Variants in CSMD3 observed in about 807,000 individuals in gnomAD.
CSMD3 encodes the protein CUB and sushi domain-containing protein 3.
CSMD3 carries 177 observed loss-of-function variants against 435.2 expected under a neutral mutation model. The ratio of observed to expected loss-of-function variants is 0.41; its 90% confidence interval spans 0.36 to 0.46. The LOEUF (loss-of-function observed/expected upper bound fraction) is 0.46, where lower values mean the gene tolerates loss of function less well. Among genes scored for constraint, CSMD3 ranks in the 20% least tolerant of loss-of-function variants. The pLI is 0.34. For missense variants in CSMD3, 4,265 were observed against 4,504.6 expected (o/e 0.95, Z 1.52); for synonymous variants, 1,656 against 1,520.5 (o/e 1.09, Z -2.07).
intron 1 of CSMD3, among the ~76,000 whole-genome samples, chr8:113,435,584 G>A (rs1178798926): frequency 6.6e-6 from 1 of 151,836 alleles, no homozygotes; most frequent in African/African-American, 2.4e-5. Context: ...GGCGCGCCTG[G>A]GCCAAAACAG....
chr8:112,334,474 A>C (rs1824378501), intron 45 of CSMD3, among the ~76,000 whole-genome samples: 1 of 152,176 alleles, frequency 6.6e-6, no homozygotes, highest in African/African-American at 2.4e-5. Flanking sequence ...CCAGCCTCAC[A>C]TTTTCATATA....
At chr8:112,261,410 C>T (rs1267936119) in intron 61 of CSMD3, among the ~76,000 whole-genome samples, 1 of 152,020 alleles carries the variant, frequency 6.6e-6, no homozygotes, top group African/African-American at 2.4e-5. Context: ...TTGTAGGCAT[C>T]ACCCAGAAAG....
intron 26 of CSMD3, among the ~76,000 whole-genome samples, 184 bp downstream of exon 26, chr8:112,552,410 T>C (rs1172250339): frequency 6.6e-6 from 1 of 151,946 alleles, no homozygotes; most frequent in Non-Finnish European, 1.5e-5. Flanking sequence ...CATTTGAGCC[T>C]ATGAGGAGGA....
chr8:112,461,818 T>C (rs1307983211), intron 32 of CSMD3, among the ~76,000 whole-genome samples: 3 of 152,198 alleles, frequency 2.0e-5, no homozygotes, highest in Non-Finnish European at 2.9e-5. Flanking sequence ...ATTCAGAATT[T>C]AGGTTAAATT....
At chr8:112,534,286 TAAA>T (rs1825834488) in intron 27 of CSMD3, among the ~76,000 whole-genome samples, 1 of 151,402 alleles carries the variant, frequency 6.6e-6, no homozygotes, top group Non-Finnish European at 1.5e-5. Context: ...GCAAGACTAA[TAAA>T]GAAGAAAAGA....
intron 33 of CSMD3, 34 bp from the exon 34 acceptor site, chr8:112,408,447 A>C: frequency 4.7e-6 from 6 of 1,269,572 alleles, no homozygotes; most frequent in Non-Finnish European, 6.9e-6. Flanking sequence ...GATATCATAA[A>C]TAATTTTCAT....
chr8:112,280,276 A>G (rs1818497407), intron 59 of CSMD3, among the ~76,000 whole-genome samples: 1 of 151,940 alleles, frequency 6.6e-6, no homozygotes, highest in Non-Finnish European at 1.5e-5. Flanking sequence ...CACAGTCTAA[A>G]CAATTTTCTT....
intron 22 of CSMD3, among the ~76,000 whole-genome samples, chr8:112,607,769 T>A (rs527654773): frequency 1.3e-5 from 2 of 152,168 alleles, no homozygotes; most frequent in South Asian, 2.1e-4. Flanking sequence ...CCTTTCATGA[T>A]AAAAATTTCC....
At chr8:113,303,612 C>T (rs200756235) in intron 2 of CSMD3, among the ~76,000 whole-genome samples, 4 of 142,364 alleles carry the variant, frequency 2.8e-5, no homozygotes, top group Non-Finnish European at 6.1e-5. Context: ...ACGCCACATA[C>T]CTACAACTAT....
chr8:112,414,387 C>T (rs1811687245), intron 32 of CSMD3, among the ~76,000 whole-genome samples: 2 of 152,158 alleles, frequency 1.3e-5, no homozygotes, highest in Admixed American at 1.3e-4. Flanking sequence ...CCCCTGCTGG[C>T]TCACCCTGTG....
Position 112,668,770 on chromosome 8 carries a change from G to C in CSMD3, c.2678-2355C>G, listed in dbSNP as rs577587136. Reference sequence around the variant, plus strand: ...TTTCTAGAAGGTCTACCACCAAGAGGGGAGAGACATGCTTATATGGGTCGG... The same window carrying C: ...TTTCTAGAAGGTCTACCACCAAGAGCGGAGAGACATGCTTATATGGGTCGG... On this transcript the variant is annotated intron_variant, in intron 16 of 70. Coordinates refer to ENST00000297405, the MANE Select transcript of CSMD3 (RefSeq NM_198123.2). 2.7e-3 allele frequency among the ~76,000 whole-genome samples: 403 copies of C among 151,756 alleles called. 2 individuals are homozygous for C. The highest frequency in any genetic ancestry group is 9.2e-3 in the African/African-American group (382 of 41,382).
intron 52 of CSMD3, among the ~76,000 whole-genome samples, chr8:112,304,377 GT>G (rs75534103): frequency 0.24 from 34,414 of 141,340 alleles, 4,401 homozygotes; most frequent in East Asian, 0.36. Context: ...TGGGGCAAAG[GT>G]TTTTTTTTTT....
chr8:113,103,432 T>C (rs1564318152), intron 4 of CSMD3, among the ~76,000 whole-genome samples: 1 of 152,128 alleles, frequency 6.6e-6, no homozygotes, highest in Non-Finnish European at 1.5e-5. Context: ...GTTAAGAAGT[T>C]TGCAAAGTCA....
chr8:112,277,016 C>T (rs1251985687), intron 59 of CSMD3, among the ~76,000 whole-genome samples: 1 of 152,042 alleles, frequency 6.6e-6, no homozygotes, highest in Non-Finnish European at 1.5e-5. Flanking sequence ...GAGGAGCTGC[C>T]ACAGACTTCT....
At chr8:112,440,050 A>G (rs1043440061) in intron 32 of CSMD3, among the ~76,000 whole-genome samples, 3 of 152,164 alleles carry the variant, frequency 2.0e-5, no homozygotes, top group Non-Finnish European at 2.9e-5. Flanking sequence ...GTCCAGCATT[A>G]ACCCAAAAGG....
chr8:113,396,836 G>A (rs2094485731), intron 1 of CSMD3, among the ~76,000 whole-genome samples: 1 of 151,902 alleles, frequency 6.6e-6, no homozygotes, highest in South Asian at 2.1e-4. Context: ...ATCACTACCA[G>A]ATATATTATT....
chr8:113,043,149 T>G (rs2087692673), intron 5 of CSMD3, among the ~76,000 whole-genome samples: 1 of 152,224 alleles, frequency 6.6e-6, no homozygotes. Flanking sequence ...TCAGTGGTAC[T>G]CAAACACATA....
In CSMD3 at chr8:112,243,205, G is replaced by T. The variant is rs569142414; in HGVS notation, c.10402+1189C>A. ...TACAAGCAAACAAACCAAAGAATAAGATCTTCTCATACTACAGCGATTTCA... is the reference window on the plus strand; with the variant it reads ...TACAAGCAAACAAACCAAAGAATAATATCTTCTCATACTACAGCGATTTCA... On this transcript the variant is annotated intron_variant, in intron 65 of 70. Transcript: ENST00000297405. Among the ~76,000 whole-genome samples, 6 of 150,686 alleles carry T rather than the reference G, an allele frequency of 4.0e-5. No individual in the cohort carries two copies. In the South Asian group the frequency reaches 8.4e-4, roughly 21 times the overall value.
chr8:113,046,978 C>A (rs1421071388), intron 5 of CSMD3, among the ~76,000 whole-genome samples: 1 of 152,168 alleles, frequency 6.6e-6, no homozygotes, highest in Non-Finnish European at 1.5e-5. Context: ...CTTTTGAGCT[C>A]AGAGATGAGG....
Sources: gnomAD v4.1 joint callset for allele counts (sites outside exome capture counted in the v4.1 genomes callset) on GRCh38, gnomAD v4.1.1 for gene constraint, MANE v1.5 for transcripts, NCBI Gene and HGNC (gene_info 2026-07-23, HGNC 2026-07-21) for gene names.